BAZ2B: variants seen among roughly 807,000 people sequenced by gnomAD.
BAZ2B encodes the protein bromodomain adjacent to zinc finger domain 2B.
In BAZ2B, 91 loss-of-function variants were observed where a neutral mutation model predicts 246.0. The observed-to-expected ratio is 0.37, with a 90% CI of 0.31 to 0.44. The LOEUF (loss-of-function observed/expected upper bound fraction) is 0.44, where lower values mean the gene tolerates loss of function less well. BAZ2B is among the 20% of genes least tolerant of loss of function. The pLI is 1.00. For missense variants in BAZ2B, 2,332 were observed against 2,533.7 expected (o/e 0.92, Z 1.71); for synonymous variants, 855 against 860.0 (o/e 0.99, Z 0.10).
intron 35 of BAZ2B, 111 bp from the exon 36 acceptor site, chr2:159,325,065 TATATATATATA>T (rs2063359281): frequency 5.9e-4 from 1 of 1,704 alleles, no homozygotes; most frequent in Admixed American, 0.011. Flanking sequence ...ATATATTATA[TATATATATATA>T]TTATATATAT....
At chr2:159,384,574 C>G (rs2062399620) in intron 23 of BAZ2B, among the ~76,000 whole-genome samples, 2 of 151,892 alleles carry the variant, frequency 1.3e-5, no homozygotes, top group Non-Finnish European at 2.9e-5. Context: ...TTCAGAAATC[C>G]TGAATACTAG....
At chr2:159,495,608 T>C (rs1469005843) in intron 2 of BAZ2B, among the ~76,000 whole-genome samples, 12 of 150,880 alleles carry the variant, frequency 8.0e-5, no homozygotes, top group African/African-American at 2.7e-4. Context: ...TTATAATATA[T>C]AGGACATTAT....
chr2:159,417,235 A>G (rs2067895826), intron 13 of BAZ2B, among the ~76,000 whole-genome samples: 1 of 151,178 alleles, frequency 6.6e-6, no homozygotes, highest in African/African-American at 2.4e-5. Flanking sequence ...TAGTGGTGCA[A>G]TCTCAGCTCA....
intron 2 of BAZ2B, among the ~76,000 whole-genome samples, chr2:159,521,386 A>C (rs1458302690): frequency 6.6e-6 from 1 of 152,110 alleles, no homozygotes; most frequent in Non-Finnish European, 1.5e-5. Flanking sequence ...GAGTAAGCCA[A>C]AGACAGATAC....
the BAZ2B span, among the ~76,000 whole-genome samples, chr2:159,650,849 C>A: frequency 6.6e-6 from 1 of 152,094 alleles, no homozygotes; most frequent in Non-Finnish European, 1.5e-5. Flanking sequence ...ATAATAGGGC[C>A]AACCTTGTTT....
intron 2 of BAZ2B, among the ~76,000 whole-genome samples, chr2:159,495,507 A>G (rs1240896979): frequency 8.0e-5 from 12 of 149,300 alleles, no homozygotes; most frequent in Non-Finnish European, 1.3e-4. Flanking sequence ...AAAAAAAAAA[A>G]AAAAAAAAAT....
In BAZ2B at chr2:159,478,731, G is replaced by C. The variant is rs756213704; in HGVS notation, c.-2-10C>G. On this transcript the variant is annotated splice_polypyrimidine_tract_variant and intron_variant, in intron 2 of 36. Coordinates refer to ENST00000392783, the MANE Select transcript of BAZ2B (RefSeq NM_013450.4). ...TCTCCAGACTCCATATCTATGAGAA[G>C]GGAAAATGTTAATTCTCAGTATCAG... 6.7e-7 allele frequency: 1 copy of C among 1,488,148 alleles called. No individual in the cohort carries two copies. Among genetic ancestry groups the C allele is most frequent in the Non-Finnish European group, 8.9e-7 (1 of 1,118,846 alleles). The allele number at this position is 1,488,148 out of a possible 1,614,324, so 92.2% of individuals were successfully genotyped here.
intron 2 of BAZ2B, among the ~76,000 whole-genome samples, chr2:159,515,205 A>G (rs2083307218): frequency 6.6e-6 from 1 of 152,032 alleles, no homozygotes; most frequent in South Asian, 2.1e-4. Flanking sequence ...ACCTGCACTT[A>G]TATGTCCATA....
the BAZ2B span, among the ~76,000 whole-genome samples, chr2:159,666,639 TG>T: frequency 6.6e-6 from 1 of 152,076 alleles, no homozygotes; most frequent in Admixed American, 6.6e-5. Context: ...GTGGATCACT[TG>T]ATGTCAGGGG....
At chr2:159,638,523 T>G in the BAZ2B span, among the ~76,000 whole-genome samples, 3 of 152,202 alleles carry the variant, frequency 2.0e-5, no homozygotes, top group African/African-American at 7.2e-5. Flanking sequence ...TCATTCAGAA[T>G]TCTATCAGGT....
At chr2:159,534,591 T>C (rs576844984) in intron 2 of BAZ2B, among the ~76,000 whole-genome samples, 1 of 152,268 alleles carries the variant, frequency 6.6e-6, no homozygotes, top group Admixed American at 6.5e-5. Flanking sequence ...CCTGTGACAT[T>C]GTATTCTGAA....
chr2:159,468,986 G>A (rs2077430769), intron 3 of BAZ2B, among the ~76,000 whole-genome samples: 1 of 151,286 alleles, frequency 6.6e-6, no homozygotes, highest in Admixed American at 6.6e-5. Flanking sequence ...GGGAGGCAGA[G>A]GTTGCAGTGA....
the BAZ2B span, among the ~76,000 whole-genome samples, chr2:159,698,245 G>C: frequency 6.6e-6 from 1 of 152,172 alleles, no homozygotes; most frequent in East Asian, 1.9e-4. Context: ...TACTAGGCCA[G>C]GCATAGTGGC....
intron 2 of BAZ2B, among the ~76,000 whole-genome samples, chr2:159,545,591 C>T (rs1305177307): frequency 2.6e-5 from 4 of 152,178 alleles, no homozygotes; most frequent in Non-Finnish European, 5.9e-5. Flanking sequence ...CCTTATATTA[C>T]ACTTTGCACA....
rs760537535 is a variant in BAZ2B, at chr2:159,350,121, C to A, written c.4450G>T (p.Val1484Phe). The change falls in exon 28 of 37, where the codon GTT becomes TTT. Residue 1484 changes from valine to phenylalanine, a missense_variant. This residue lies in a region of BAZ2B where 676 missense variants were observed against 668.6 expected (regional missense o/e 1.01). Coordinates refer to ENST00000392783, the MANE Select transcript of BAZ2B (RefSeq NM_013450.4). Reference sequence around the variant, plus strand: ...CCAGCATTTGGTTTGGGGGTCATAACCTCTGACTCAGGAGGCATCTTAGCT... The same window carrying A: ...CCAGCATTTGGTTTGGGGGTCATAAACTCTGACTCAGGAGGCATCTTAGCT... ...EVAKMPPESE[V>F]MTPKPNAGAN... 1.2e-6 allele frequency: 2 copies of A among 1,614,052 alleles called. No individual in the cohort carries two copies. The highest frequency in any genetic ancestry group is 1.7e-4 in the Middle Eastern group (1 of 6,060).
At chr2:159,538,074 G>A (rs2086235562) in intron 2 of BAZ2B, among the ~76,000 whole-genome samples, 1 of 152,052 alleles carries the variant, frequency 6.6e-6, no homozygotes, top group Admixed American at 6.6e-5. Context: ...TTGGCTCACC[G>A]CAACCTCTGT....
the BAZ2B span, among the ~76,000 whole-genome samples, chr2:159,677,229 T>G: frequency 6.6e-6 from 1 of 151,638 alleles, no homozygotes; most frequent in South Asian, 2.1e-4. Flanking sequence ...ACAGCTTCCT[T>G]CATTTTAAAG....
intron 34 of BAZ2B, among the ~76,000 whole-genome samples, chr2:159,328,306 A>G (rs2064084793): frequency 6.6e-6 from 1 of 152,146 alleles, no homozygotes; most frequent in Non-Finnish European, 1.5e-5. Context: ...TACAAATTCA[A>G]AGAGGAACTT....
chr2:159,582,458 C>T (rs376179640), intron 1 of BAZ2B, among the ~76,000 whole-genome samples: 7 of 152,248 alleles, frequency 4.6e-5, no homozygotes, highest in African/African-American at 7.2e-5. Flanking sequence ...GAGTGGTGTG[C>T]GATCACGGCT....
Sources: allele counts gnomAD v4.1 joint callset (sites outside exome capture counted in the v4.1 genomes callset), GRCh38; gene constraint gnomAD v4.1.1; regional missense constraint gnomAD v4.1.1; transcripts MANE v1.5; gene names NCBI Gene and HGNC (gene_info 2026-07-23, HGNC 2026-07-21).